Variants in SIL1 observed in about 807,000 individuals in gnomAD.
The protein encoded by SIL1 is nucleotide exchange factor SIL1.
A neutral mutation model predicts 49.1 loss-of-function variants in SIL1; 40 were observed. The ratio of observed to expected loss-of-function variants is 0.81; its 90% CI spans 0.63 to 1.06. The LOEUF (loss-of-function observed/expected upper bound fraction) is 1.06, where lower values mean the gene tolerates loss of function less well. SIL1 is among the 50% of genes least tolerant of loss of function. The pLI, the probability that SIL1 is intolerant of heterozygous loss-of-function variation, is 0.00. For synonymous variants in SIL1, 253 were observed against 250.8 expected, an observed-to-expected ratio of 1.01 and a Z score of -0.08; for missense variants, 500 against 572.6, an observed-to-expected ratio of 0.87 and a Z score of 1.29.
At chr5:139,147,653 T>C (rs1481486509) in intron 1 of SIL1, among the ~76,000 whole-genome samples, 1 of 152,184 alleles carries the variant, frequency 6.6e-6, no homozygotes, top group East Asian at 1.9e-4. Context: ...TCCAAGTCCA[T>C]GTTCAACTGT....
intron 3 of SIL1, among the ~76,000 whole-genome samples, chr5:139,118,881 C>T (rs1417200800): frequency 6.6e-6 from 1 of 152,204 alleles, no homozygotes; most frequent in South Asian, 2.1e-4. Flanking sequence ...ACATCAGATA[C>T]TGAGGCCAGA....
chr5:139,038,687 C>T (rs1768972551), intron 5 of SIL1, among the ~76,000 whole-genome samples: 1 of 152,242 alleles, frequency 6.6e-6, no homozygotes, highest in Non-Finnish European at 1.5e-5. Flanking sequence ...ATGCTGGCCA[C>T]TGGGAGTGGA....
chr5:139,115,038 T>G (rs1169754172), intron 3 of SIL1, among the ~76,000 whole-genome samples: 1 of 152,096 alleles, frequency 6.6e-6, no homozygotes, highest in African/African-American at 2.4e-5. Context: ...GCCTCACATG[T>G]GTGTGCATGT....
At chr5:139,120,912 C>G in intron 3 of SIL1, 123 bp downstream of exon 3, 1 of 1,234,882 alleles carries the variant, frequency 8.1e-7, no homozygotes, top group Non-Finnish European at 1.2e-6. Flanking sequence ...CTCTGACGGA[C>G]CATGCTGTTT....
intron 3 of SIL1, among the ~76,000 whole-genome samples, chr5:139,106,419 GAGCCT>G (rs568927308): frequency 1.4e-3 from 211 of 152,258 alleles, no homozygotes; most frequent in Middle Eastern, 3.4e-3. Flanking sequence ...ACACAATTCG[GAGCCT>G]AGCCATTTGT....
At chr5:139,098,416 A>G (rs1320248732) in intron 3 of SIL1, among the ~76,000 whole-genome samples, 1 of 152,210 alleles carries the variant, frequency 6.6e-6, no homozygotes, top group African/African-American at 2.4e-5. Context: ...TTAGACCCCT[A>G]TCTCTCACCA....
chr5:139,062,751 A>G (rs576053853), intron 3 of SIL1, among the ~76,000 whole-genome samples: 22 of 152,338 alleles, frequency 1.4e-4, no homozygotes, highest in African/African-American at 5.3e-4. Context: ...ACAAGGCTCA[A>G]AGTAACCACA....
At chr5:139,158,749 A>G (rs542278915) in intron 1 of SIL1, among the ~76,000 whole-genome samples, 13 of 152,368 alleles carry the variant, frequency 8.5e-5, no homozygotes, top group South Asian at 6.2e-4. Context: ...TTAAAAAAAG[A>G]AAAGAACAAA....
intron 1 of SIL1, among the ~76,000 whole-genome samples, chr5:139,145,051 A>G (rs1360839975): frequency 6.6e-6 from 1 of 152,232 alleles, no homozygotes; most frequent in African/African-American, 2.4e-5. Flanking sequence ...GATCAAGAGA[A>G]TGAAAAGACA....
intron 5 of SIL1, among the ~76,000 whole-genome samples, chr5:139,038,806 C>T (rs1192051030): frequency 6.6e-6 from 1 of 152,204 alleles, no homozygotes; most frequent in Non-Finnish European, 1.5e-5. Context: ...TCACTTATTC[C>T]ACTGGCCCCG....
chr5:138,974,661 G>C (rs1357234530), intron 7 of SIL1, among the ~76,000 whole-genome samples: 3 of 152,208 alleles, frequency 2.0e-5, no homozygotes, highest in Admixed American at 1.3e-4. Context: ...AAGCTGGAGA[G>C]GGAAGGAGCC....
At chr5:139,002,600 G>A (rs1448766679) in intron 7 of SIL1, among the ~76,000 whole-genome samples, 1 of 151,998 alleles carries the variant, frequency 6.6e-6, no homozygotes, top group East Asian at 1.9e-4. Flanking sequence ...ACAAATTTGG[G>A]GAAATATTTG....
chr5:139,094,281 A>G (rs1770407039), intron 3 of SIL1, among the ~76,000 whole-genome samples: 1 of 152,252 alleles, frequency 6.6e-6, no homozygotes, highest in South Asian at 2.1e-4. Flanking sequence ...AGGTGATACA[A>G]CAGAATTCAT....
Position 138,965,656 on chromosome 5 carries a change from A to G in SIL1, c.768-13772T>C, listed in dbSNP as rs534747123. Among the ~76,000 whole-genome samples, 3 of 136,776 alleles carry G rather than the reference A, an allele frequency of 2.2e-5. No homozygotes were observed. The South Asian group carries it at 7.2e-4, about 33-fold the overall frequency. The allele number at this position is 136,776 out of a possible 152,430, so 89.7% of individuals were successfully genotyped here. On this transcript the variant is annotated intron_variant, in intron 7 of 9. Coordinates refer to ENST00000394817, the MANE Select transcript of SIL1 (RefSeq NM_022464.5). The stretch of plus-strand genomic sequence containing the variant: ...TGGACCTTGAGCTGAGGGGCAGGAG[A>G]TCCTGGGAATAGGCTAACTCTAGGC...
At chr5:139,150,410 C>T (rs755944470) in intron 1 of SIL1, among the ~76,000 whole-genome samples, 1 of 152,132 alleles carries the variant, frequency 6.6e-6, no homozygotes, top group Non-Finnish European at 1.5e-5. Context: ...TGTCTTCTAT[C>T]CCCTACTCAG....
At chr5:139,160,792 A>C (rs1751496713) in intron 1 of SIL1, among the ~76,000 whole-genome samples, 1 of 151,580 alleles carries the variant, frequency 6.6e-6, no homozygotes, top group Non-Finnish European at 1.5e-5. Context: ...ATCATGCCAC[A>C]GCACTCCAGC....
chr5:139,078,153 G>A (rs748999166), intron 3 of SIL1, among the ~76,000 whole-genome samples: 1 of 152,104 alleles, frequency 6.6e-6, no homozygotes, highest in Non-Finnish European at 1.5e-5. Flanking sequence ...CCTAAAAATA[G>A]TTACAAAGGG....
At chr5:139,144,484 G>A (rs768468635) in intron 1 of SIL1, among the ~76,000 whole-genome samples, 4 of 152,198 alleles carry the variant, frequency 2.6e-5, no homozygotes, top group Non-Finnish European at 5.9e-5. Flanking sequence ...ATAGAATTGT[G>A]AGACCAGAAT....
chr5:139,057,511 G>A (rs987285810), intron 3 of SIL1, among the ~76,000 whole-genome samples: 3 of 151,878 alleles, frequency 2.0e-5, no homozygotes, highest in Admixed American at 1.3e-4. Flanking sequence ...GTCAGAGGCC[G>A]CAGGCTACCA....
Sources: gnomAD v4.1 joint callset for allele counts (sites outside exome capture counted in the v4.1 genomes callset) on GRCh38, gnomAD v4.1.1 for gene constraint, MANE v1.5 for transcripts, NCBI Gene and HGNC (gene_info 2026-07-23, HGNC 2026-07-21) for gene names.